Variants in MARCHF1 observed in about 807,000 individuals in gnomAD.
MARCHF1 encodes membrane associated ring-CH-type finger 1, also known as E3 ubiquitin-protein ligase MARCHF1.
A neutral mutation model predicts 54.2 loss-of-function variants in MARCHF1; 40 were observed. The ratio of observed to expected loss-of-function variants is 0.74; its 90% CI spans 0.57 to 0.96. MARCHF1 has a LOEUF of 0.96. Among genes scored for constraint, MARCHF1 ranks in the 40% least tolerant of loss-of-function variants. The probability of loss-of-function intolerance (pLI) is 0.00; values close to 1 mark genes in which losing one functional copy is unlikely to be tolerated. For synonymous variants in MARCHF1, 236 were observed against 236.3 expected (o/e 1.00, Z 0.01); for missense variants, 586 against 656.5 (o/e 0.89, Z 1.17).
chr4:163,618,937 GAGA>G (rs36037400), intron 5 of MARCHF1, among the ~76,000 whole-genome samples: 59,143 of 151,714 alleles, frequency 0.39, 11,846 homozygotes, highest in Admixed American at 0.45. Flanking sequence ...CAGCTTCCCA[GAGA>G]AGGAGACGCC....
intron 1 of MARCHF1, among the ~76,000 whole-genome samples, chr4:164,199,357 C>G (rs1194672822): frequency 6.6e-6 from 1 of 152,116 alleles, no homozygotes; most frequent in East Asian, 1.9e-4. Flanking sequence ...AATCAAACTT[C>G]TACACCAGGC....
intron 7 of MARCHF1, among the ~76,000 whole-genome samples, chr4:163,595,391 C>T (rs775936909): frequency 6.6e-6 from 1 of 151,896 alleles, no homozygotes; most frequent in Non-Finnish European, 1.5e-5. Context: ...GTGTCATGTG[C>T]CTGTAGTCCC....
rs1198185261 is a variant in MARCHF1 at position 164,364,309 on chromosome 4, C to G, written c.-323+19561G>C. 7.2e-5 allele frequency among the ~76,000 whole-genome samples: 11 copies of G among 152,142 alleles called. No individual in the cohort carries two copies. In the East Asian group the frequency reaches 1.2e-3, roughly 16 times the overall value. ...TGAGTAAAGGACTAAAGGCTCCTAC[C>G]AGAGCCCTTGAATATCTGATTTCTT... On this transcript the variant is annotated intron_variant, in intron 1 of 9. Transcript: ENST00000514618.
chr4:163,673,111 G>A (rs1430514307), intron 5 of MARCHF1, among the ~76,000 whole-genome samples: 1 of 152,110 alleles, frequency 6.6e-6, no homozygotes, highest in Non-Finnish European at 1.5e-5. Context: ...ATCTTTGAAG[G>A]GCTGTAATTC....
At chr4:163,558,350 A>C (rs937799346) in intron 8 of MARCHF1, among the ~76,000 whole-genome samples, 2 of 152,170 alleles carry the variant, frequency 1.3e-5, no homozygotes, top group African/African-American at 4.8e-5. Flanking sequence ...AAGGGACACA[A>C]ATGTAAGCTG....
intron 1 of MARCHF1, among the ~76,000 whole-genome samples, chr4:164,252,329 A>AAAAAC (rs146653368): frequency 7.9e-5 from 12 of 151,698 alleles, no homozygotes; most frequent in Non-Finnish European, 8.8e-5. Flanking sequence ...CCACCATCAA[A>AAAAAC]AAAACAAAAC....
intron 2 of MARCHF1, among the ~76,000 whole-genome samples, chr4:164,029,842 A>G (rs1318039075): frequency 6.6e-6 from 1 of 152,144 alleles, no homozygotes; most frequent in Non-Finnish European, 1.5e-5. Context: ...TGATCCACCC[A>G]CCTTGGTCTC....
At chr4:163,589,413 C>G (rs1740513677) in intron 7 of MARCHF1, among the ~76,000 whole-genome samples, 1 of 152,060 alleles carries the variant, frequency 6.6e-6, no homozygotes, top group Non-Finnish European at 1.5e-5. Flanking sequence ...GTTCATTTTT[C>G]ATTCCCATTT....
chr4:164,006,484 T>A (rs1440274593), intron 2 of MARCHF1, among the ~76,000 whole-genome samples: 1 of 151,992 alleles, frequency 6.6e-6, no homozygotes, highest in Non-Finnish European at 1.5e-5. Context: ...TATAGAAAAT[T>A]ACCTCAAATT....
intron 1 of MARCHF1, among the ~76,000 whole-genome samples, chr4:164,341,020 C>G (rs1402409144): frequency 1.3e-5 from 2 of 151,648 alleles, no homozygotes; most frequent in African/African-American, 2.4e-5. Context: ...ACAATGTAAG[C>G]ATAATATACC....
chr4:164,273,936 TAATA>T (rs900140227), intron 1 of MARCHF1, among the ~76,000 whole-genome samples: 1 of 152,090 alleles, frequency 6.6e-6, no homozygotes, highest in Non-Finnish European at 1.5e-5. Context: ...TGTAAGGAAT[TAATA>T]AATAAAAATG....
chr4:163,662,976 G>A (rs1476175240), intron 5 of MARCHF1, among the ~76,000 whole-genome samples: 2 of 85,516 alleles, frequency 2.3e-5, no homozygotes, highest in Admixed American at 1.2e-4. Context: ...GTTATTATTG[G>A]CCTGGAAAAA....
At chr4:164,340,393 C>G (rs1290913994) in intron 1 of MARCHF1, among the ~76,000 whole-genome samples, 1 of 87,548 alleles carries the variant, frequency 1.1e-5, no homozygotes. Context: ...GCACATGCCA[C>G]CAGGCCTTGA....
intron 2 of MARCHF1, among the ~76,000 whole-genome samples, chr4:164,015,459 C>T (rs967227922): frequency 1.3e-5 from 2 of 152,024 alleles, no homozygotes; most frequent in Admixed American, 1.3e-4. Flanking sequence ...CAAATGAGAT[C>T]ACATCAAGCT....
intron 1 of MARCHF1, among the ~76,000 whole-genome samples, chr4:164,143,298 T>A (rs1447694199): frequency 6.8e-6 from 1 of 146,904 alleles, no homozygotes; most frequent in African/African-American, 2.5e-5. Context: ...CAGGCCAACG[T>A]TCAGATTCAG....
intron 3 of MARCHF1, among the ~76,000 whole-genome samples, chr4:163,957,788 A>G (rs1752259962): frequency 6.6e-6 from 1 of 151,996 alleles, no homozygotes; most frequent in Non-Finnish European, 1.5e-5. Context: ...TACATTGTAT[A>G]TCATGAATCT....
intron 5 of MARCHF1, among the ~76,000 whole-genome samples, chr4:163,692,095 G>A (rs983024599): frequency 2.0e-5 from 3 of 152,092 alleles, no homozygotes; most frequent in African/African-American, 7.2e-5. Flanking sequence ...CGTGGCCCAA[G>A]GATCATTGCT....
chr4:164,247,218 C>G (rs1282131759), intron 1 of MARCHF1, among the ~76,000 whole-genome samples: 4 of 90,990 alleles, frequency 4.4e-5, no homozygotes, highest in Non-Finnish European at 8.8e-5. Flanking sequence ...AAATGTCCAA[C>G]AATGATAGAC....
chr4:164,103,155 C>G (rs1292157723), intron 2 of MARCHF1, among the ~76,000 whole-genome samples: 1 of 50,056 alleles, frequency 2.0e-5, no homozygotes, highest in African/African-American at 6.5e-5. Context: ...GACTCCCACA[C>G]ATTAATAATG....
Sources: gnomAD v4.1 joint callset for allele counts (sites outside exome capture counted in the v4.1 genomes callset) on GRCh38, gnomAD v4.1.1 for gene constraint, MANE v1.5 for transcripts, NCBI Gene and HGNC (gene_info 2026-07-23, HGNC 2026-07-21) for gene names.